The following MCTP1 variants were observed in gnomAD, a reference collection of about 807,000 sequenced individuals.
The protein encoded by MCTP1 is multiple C2 and transmembrane domain containing 1.
In MCTP1, 69 loss-of-function variants were observed where a neutral mutation model predicts 120.6. The observed-to-expected ratio is 0.57, with a 90% CI of 0.47 to 0.70. MCTP1 has a LOEUF of 0.70. Ranked by LOEUF, MCTP1 falls within the 30% of genes least tolerant of loss-of-function variation. The probability of loss-of-function intolerance (pLI) is 0.00; values close to 1 mark genes in which losing one functional copy is unlikely to be tolerated. For synonymous variants in MCTP1, 529 were observed against 493.1 expected (o/e 1.07, Z -0.96); for missense variants, 1,203 against 1,248.8 (o/e 0.96, Z 0.55).
At chr5:94,794,143 A>G (rs1779525131) in intron 18 of MCTP1, among the ~76,000 whole-genome samples, 1 of 152,224 alleles carries the variant, frequency 6.6e-6, no homozygotes, top group Non-Finnish European at 1.5e-5. Flanking sequence ...CAGTCTTTTA[A>G]TGCCACCATT....
chr5:95,195,680 A>C (rs1277573226), intron 1 of MCTP1, among the ~76,000 whole-genome samples: 2 of 152,118 alleles, frequency 1.3e-5, no homozygotes, highest in African/African-American at 2.4e-5. Flanking sequence ...GGCAGCTTAG[A>C]ATCTTCAACA....
At chr5:94,924,728 T>TA (rs1812591386) in intron 6 of MCTP1, among the ~76,000 whole-genome samples, 1 of 152,236 alleles carries the variant, frequency 6.6e-6, no homozygotes, top group African/African-American at 2.4e-5. Context: ...AGTCTTCCCT[T>TA]AAATGTTAAA....
At chr5:95,221,768 T>C (rs140758469) in intron 1 of MCTP1, among the ~76,000 whole-genome samples, 39 of 152,312 alleles carry the variant, frequency 2.6e-4, no homozygotes, top group African/African-American at 8.7e-4. Flanking sequence ...GAATCCAGCA[T>C]GGGTTTTCTC....
chr5:94,841,386 C>A (rs1306306975), intron 17 of MCTP1, among the ~76,000 whole-genome samples: 1 of 152,128 alleles, frequency 6.6e-6, no homozygotes, highest in Non-Finnish European at 1.5e-5. Flanking sequence ...TTAAAGCCAG[C>A]TGAAAAACAA....
intron 19 of MCTP1, among the ~76,000 whole-genome samples, chr5:94,757,478 C>A (rs1174504008): frequency 6.6e-6 from 1 of 152,150 alleles, no homozygotes; most frequent in Non-Finnish European, 1.5e-5. Flanking sequence ...AATAATTGTG[C>A]TACTGGTAGA....
At chr5:94,952,664 A>G (rs1820918442) in intron 3 of MCTP1, among the ~76,000 whole-genome samples, 1 of 152,232 alleles carries the variant, frequency 6.6e-6, no homozygotes, top group Admixed American at 6.5e-5. Context: ...GGCTCAGAAT[A>G]GGAACTAGGT....
chr5:95,270,852 C>A (rs906631131), intron 1 of MCTP1, among the ~76,000 whole-genome samples: 1 of 151,650 alleles, frequency 6.6e-6, no homozygotes, highest in Non-Finnish European at 1.5e-5. Context: ...ATCGCTTGAA[C>A]CCAGGAGGTG....
intron 1 of MCTP1, among the ~76,000 whole-genome samples, chr5:95,113,577 C>A (rs964441432): frequency 7.2e-5 from 11 of 152,188 alleles, no homozygotes; most frequent in Non-Finnish European, 1.3e-4. Context: ...CCCACCCACA[C>A]AGGGAGTATT....
intron 17 of MCTP1, among the ~76,000 whole-genome samples, chr5:94,861,211 G>A (rs1795717094): frequency 6.6e-6 from 1 of 151,824 alleles, no homozygotes; most frequent in East Asian, 1.9e-4. Flanking sequence ...AGCAAAGCCT[G>A]CTGTGTCTAT....
chr5:95,096,667 A>G (rs1278261708), intron 1 of MCTP1, among the ~76,000 whole-genome samples: 1 of 152,200 alleles, frequency 6.6e-6, no homozygotes, highest in African/African-American at 2.4e-5. Flanking sequence ...AGAGCACAAA[A>G]GCTTTTAGCA....
intron 1 of MCTP1, among the ~76,000 whole-genome samples, chr5:95,157,377 G>T (rs1745243043): frequency 6.6e-6 from 1 of 152,126 alleles, no homozygotes; most frequent in Non-Finnish European, 1.5e-5. Flanking sequence ...GCACCCTAAA[G>T]ATAAACCAAA....
In MCTP1 at chr5:95,284,792, C is replaced by T. The variant is rs756099569; in HGVS notation, c.-217G>A. Among the ~76,000 whole-genome samples, 126 of 152,202 alleles carry T rather than the reference C, an allele frequency of 8.3e-4. No homozygotes were observed. The highest frequency in any genetic ancestry group is 1.3e-3 in the Admixed American group (20 of 15,306). On this transcript the variant is annotated 5_prime_UTR_variant, in exon 1 of 23. Transcript: ENST00000515393. This position sits in a 1 kb window ranked among gnomAD's most constrained non-coding sequence, Gnocchi z 5.2. ...CCGCCGAGGCTCTCTGGCCTCGGGACTCCGGCGCTGCCTCTTCCTCCCGCA... is the reference window on the plus strand; with the variant it reads ...CCGCCGAGGCTCTCTGGCCTCGGGATTCCGGCGCTGCCTCTTCCTCCCGCA...
At chr5:95,028,497 C>T (rs530714656) in intron 1 of MCTP1, among the ~76,000 whole-genome samples, 1 of 152,250 alleles carries the variant, frequency 6.6e-6, no homozygotes, top group East Asian at 1.9e-4. Context: ...TCAGTGCTCC[C>T]AGAATGTCTT....
At chr5:95,178,055 G>T (rs912415576) in intron 1 of MCTP1, among the ~76,000 whole-genome samples, 1 of 152,116 alleles carries the variant, frequency 6.6e-6, no homozygotes, top group African/African-American at 2.4e-5. Flanking sequence ...GTGGGAACTG[G>T]GTGAGGCCTG....
chr5:95,243,970 T>C (rs1241436417), intron 1 of MCTP1, among the ~76,000 whole-genome samples: 7 of 152,204 alleles, frequency 4.6e-5, no homozygotes, highest in Admixed American at 3.3e-4. Flanking sequence ...CTTTCACATA[T>C]TGACACTAAC....
intron 3 of MCTP1, among the ~76,000 whole-genome samples, chr5:94,943,567 T>C (rs1818228567): frequency 6.6e-6 from 1 of 152,096 alleles, no homozygotes; most frequent in Non-Finnish European, 1.5e-5. Context: ...TAAGTACTTA[T>C]TATGTGCCAG....
intron 2 of MCTP1, among the ~76,000 whole-genome samples, chr5:94,986,005 T>G (rs188884309): frequency 2.6e-5 from 4 of 152,308 alleles, no homozygotes; most frequent in Admixed American, 2.6e-4. Flanking sequence ...TTATAGTTGT[T>G]TGTGATTGAC....
At position 95,084,040 on chromosome 5, in the gene MCTP1, C is replaced by T. The variant is rs538392315; in HGVS notation, c.721-66556G>A. 6.6e-5 allele frequency among the ~76,000 whole-genome samples: 10 copies of T among 152,008 alleles called. No individual in the cohort carries two copies. In the South Asian group the frequency reaches 1.9e-3, roughly 28 times the overall value. On this transcript the variant is annotated intron_variant, in intron 1 of 22. Transcript: ENST00000515393. Reference sequence around the variant, plus strand: ...TATGAGTATATACATTTTTTATATGCATATTCACAGAAAAGGGCCCAGAAA... The same window carrying T: ...TATGAGTATATACATTTTTTATATGTATATTCACAGAAAAGGGCCCAGAAA...
chr5:94,961,332 T>C (rs1824128673), intron 2 of MCTP1, among the ~76,000 whole-genome samples: 1 of 152,020 alleles, frequency 6.6e-6, no homozygotes, highest in African/African-American at 2.4e-5. Flanking sequence ...GATGACAGGT[T>C]GATGGGTGCA....
Sources: gnomAD v4.1 joint callset for allele counts (sites outside exome capture counted in the v4.1 genomes callset) on GRCh38, gnomAD v4.1.1 for gene constraint, Gnocchi (gnomAD v3.1) non-coding constraint, MANE v1.5 for transcripts, NCBI Gene and HGNC (gene_info 2026-07-23, HGNC 2026-07-21) for gene names.